The following RPS6KA5 variants were observed in gnomAD, a reference collection of about 807,000 sequenced individuals.
The protein encoded by RPS6KA5 is ribosomal protein S6 kinase A5, also known as ribosomal protein S6 kinase alpha-5.
Under a neutral mutation model 85.5 loss-of-function variants are expected in RPS6KA5, and 27 were observed. The observed-to-expected ratio is 0.32, with a 90% CI of 0.23 to 0.44. RPS6KA5 has a LOEUF of 0.44. Ranked by LOEUF, RPS6KA5 falls within the 20% of genes least tolerant of loss-of-function variation. The pLI, the probability that RPS6KA5 is intolerant of heterozygous loss-of-function variation, is 1.00. For synonymous variants in RPS6KA5, 334 were observed against 348.2 expected, an observed-to-expected ratio of 0.96 and a Z score of 0.46; for missense variants, 811 against 980.9, an observed-to-expected ratio of 0.83 and a Z score of 2.31.
chr14:90,912,143 G>A (rs1485420437), intron 7 of RPS6KA5, among the ~76,000 whole-genome samples: 1 of 152,094 alleles, frequency 6.6e-6, no homozygotes, highest in Non-Finnish European at 1.5e-5. Context: ...AAAACTCCCT[G>A]ATACTATGAA....
At chr14:91,014,541 T>C (rs2041402644) in intron 1 of RPS6KA5, among the ~76,000 whole-genome samples, 1 of 151,608 alleles carries the variant, frequency 6.6e-6, no homozygotes, top group African/African-American at 2.4e-5. Context: ...ATGAGTATTA[T>C]AAAGAAATTT....
At chr14:90,975,378 A>C (rs1410515797) in intron 3 of RPS6KA5, among the ~76,000 whole-genome samples, 1 of 152,244 alleles carries the variant, frequency 6.6e-6, no homozygotes, top group Non-Finnish European at 1.5e-5. Context: ...TTGAAGTCCT[A>C]GCCTCCAGTA....
At chr14:90,927,944 T>C (rs1943539579) in intron 5 of RPS6KA5, among the ~76,000 whole-genome samples, 1 of 149,958 alleles carries the variant, frequency 6.7e-6, no homozygotes, top group Non-Finnish European at 1.5e-5. Flanking sequence ...TTTCTTTTTT[T>C]TTTTTTTTTG....
intron 1 of RPS6KA5, among the ~76,000 whole-genome samples, chr14:91,019,202 C>G (rs1390462318): frequency 1.3e-5 from 2 of 152,086 alleles, no homozygotes; most frequent in African/African-American, 4.8e-5. Flanking sequence ...GTCAATTTGA[C>G]TGGGCCATGA....
At chr14:91,001,865 G>A (rs951380415) in intron 1 of RPS6KA5, among the ~76,000 whole-genome samples, 5 of 152,124 alleles carry the variant, frequency 3.3e-5, no homozygotes, top group African/African-American at 1.2e-4. Flanking sequence ...GTTCTGTTAG[G>A]GGGAGATGTG....
chr14:91,058,006 C>A (rs2043393888), intron 1 of RPS6KA5, among the ~76,000 whole-genome samples: 1 of 152,148 alleles, frequency 6.6e-6, no homozygotes, highest in South Asian at 2.1e-4. Context: ...AAGTGTTCTG[C>A]ACAAATGAGC....
intron 1 of RPS6KA5, among the ~76,000 whole-genome samples, chr14:91,045,873 T>C (rs1249526095): frequency 6.6e-6 from 1 of 152,140 alleles, no homozygotes; most frequent in African/African-American, 2.4e-5. Flanking sequence ...TTCCTGTGAC[T>C]CTCCTGCTTG....
intron 5 of RPS6KA5, among the ~76,000 whole-genome samples, chr14:90,933,635 C>T (rs1353639109): frequency 6.6e-6 from 1 of 152,168 alleles, no homozygotes; most frequent in Admixed American, 6.5e-5. Flanking sequence ...CAGTTATCAA[C>T]CAGAATTATT....
intron 3 of RPS6KA5, among the ~76,000 whole-genome samples, chr14:90,960,002 G>C (rs1475142468): frequency 6.6e-6 from 1 of 152,152 alleles, no homozygotes; most frequent in Admixed American, 6.5e-5. Flanking sequence ...CCACCAACTT[G>C]ATCATGCCCA....
chr14:90,883,018 G>A (rs1474358311), intron 14 of RPS6KA5, among the ~76,000 whole-genome samples: 2 of 152,142 alleles, frequency 1.3e-5, no homozygotes, highest in Non-Finnish European at 2.9e-5. Flanking sequence ...GGGTGGTCTT[G>A]AACTCCTGAC....
intron 5 of RPS6KA5, among the ~76,000 whole-genome samples, chr14:90,940,683 G>A (rs982151511): frequency 2.0e-5 from 3 of 152,074 alleles, no homozygotes; most frequent in African/African-American, 7.2e-5. Flanking sequence ...TAGCACATGG[G>A]CCCCTAACCC....
At chr14:90,908,035 T>C (rs541596644) in intron 7 of RPS6KA5, among the ~76,000 whole-genome samples, 92 of 152,370 alleles carry the variant, frequency 6.0e-4, no homozygotes, top group African/African-American at 2.1e-3. Flanking sequence ...ATACTGACTC[T>C]GCACCATCTT....
intron 14 of RPS6KA5, among the ~76,000 whole-genome samples, chr14:90,882,996 C>T (rs10139570): frequency 0.33 from 50,390 of 151,720 alleles, 8,749 homozygotes; most frequent in East Asian, 0.47. Flanking sequence ...TGGGGTTTCA[C>T]CATGTTGGCC....
At chr14:91,005,799 G>C (rs998520751) in intron 1 of RPS6KA5, among the ~76,000 whole-genome samples, 5 of 151,898 alleles carry the variant, frequency 3.3e-5, no homozygotes, top group African/African-American at 1.2e-4. Context: ...AACAGTATTA[G>C]AACAAGACTT....
intron 1 of RPS6KA5, among the ~76,000 whole-genome samples, chr14:91,052,760 G>C (rs1054844780): frequency 1.3e-5 from 2 of 150,822 alleles, no homozygotes; most frequent in Admixed American, 1.3e-4. Flanking sequence ...CGTGAACCCA[G>C]GAGGCAGAGC....
chr14:90,912,461 G>C (rs1213574465), intron 7 of RPS6KA5, among the ~76,000 whole-genome samples: 1 of 152,174 alleles, frequency 6.6e-6, no homozygotes, highest in Non-Finnish European at 1.5e-5. Flanking sequence ...CAGTAGCATT[G>C]AGTCCCAGGC....
chr14:91,052,976 C>A (rs974145401), intron 1 of RPS6KA5, among the ~76,000 whole-genome samples: 2 of 151,642 alleles, frequency 1.3e-5, no homozygotes, highest in Non-Finnish European at 2.9e-5. Flanking sequence ...TAATAAAATA[C>A]AAGCAAACTG....
At chr14:91,022,945 C>G (rs1247271439) in intron 1 of RPS6KA5, among the ~76,000 whole-genome samples, 1 of 151,836 alleles carries the variant, frequency 6.6e-6, no homozygotes, top group Non-Finnish European at 1.5e-5. Context: ...ATTAGCTGGG[C>G]ATGGTGGCGC....
At chr14:90,963,789 T>C (rs906920937) in intron 3 of RPS6KA5, among the ~76,000 whole-genome samples, 2 of 152,150 alleles carry the variant, frequency 1.3e-5, no homozygotes, top group African/African-American at 2.4e-5. Context: ...CTAGGATATA[T>C]TGAAACCCAG....
Sources: gnomAD v4.1 joint callset for allele counts (sites outside exome capture counted in the v4.1 genomes callset) on GRCh38, gnomAD v4.1.1 for gene constraint, MANE v1.5 for transcripts, NCBI Gene and HGNC (gene_info 2026-07-23, HGNC 2026-07-21) for gene names.